The following STARD3NL variants were observed in gnomAD, a reference collection of about 807,000 sequenced individuals.
The protein encoded by STARD3NL is STARD3 N-terminal-like protein.
Under a neutral mutation model 30.9 loss-of-function variants are expected in STARD3NL, and 17 were observed. That is an observed-to-expected ratio of 0.55 (90% confidence interval 0.38 to 0.82). STARD3NL has a LOEUF of 0.82. Among genes scored for constraint, STARD3NL ranks in the 40% least tolerant of loss-of-function variants. STARD3NL has a pLI of 0.00. For synonymous variants in STARD3NL, 112 were observed against 100.5 expected, an observed-to-expected ratio of 1.11 and a Z score of -0.69; for missense variants, 234 against 277.6, an observed-to-expected ratio of 0.84 and a Z score of 1.12.
intron 1 of STARD3NL, among the ~76,000 whole-genome samples, chr7:38,184,306 TC>T (rs1784364330): frequency 6.6e-6 from 1 of 152,060 alleles, no homozygotes; most frequent in Admixed American, 6.6e-5. Flanking sequence ...TGGCGAAACT[TC>T]CTGTGTCAGT....
At chr7:38,189,666 T>C (rs764066267) in intron 1 of STARD3NL, among the ~76,000 whole-genome samples, 14 of 152,232 alleles carry the variant, frequency 9.2e-5, no homozygotes, top group Non-Finnish European at 1.8e-4. Context: ...TTTTCAGTTA[T>C]ATAAGTGACA....
intron 7 of STARD3NL, among the ~76,000 whole-genome samples, chr7:38,220,136 A>G (rs1373847543): frequency 6.6e-6 from 1 of 151,964 alleles, no homozygotes; most frequent in East Asian, 1.9e-4. Context: ...TCTCATTCAA[A>G]TCCTGCCACT....
chr7:38,213,550 C>G (rs1785931109), intron 2 of STARD3NL, among the ~76,000 whole-genome samples: 1 of 152,212 alleles, frequency 6.6e-6, no homozygotes, highest in African/African-American at 2.4e-5. Context: ...CATTGGTCCT[C>G]TTTTAAACCC....
rs1282462603 is a variant in STARD3NL at position 38,229,978 on chromosome 7, T to A, written c.*73T>A. On this transcript the variant is annotated 3_prime_UTR_variant, in exon 9 of 9. Transcript: ENST00000009041. ...GCAAAAAGAGGCAGGCAGTGGAGTC[T>A]CCCTGTCGACAGTAAAGTTGAAATG... 1.3e-5 allele frequency: 2 copies of A among 152,642 alleles called. No individual in the cohort carries two copies. The highest frequency in any genetic ancestry group is 2.9e-5 in the Non-Finnish European group (2 of 68,050). 9.5% of individuals were successfully genotyped at this position (152,642 alleles called of 1,614,324 possible).
chr7:38,225,107 AT>A (rs1157648274), intron 7 of STARD3NL, among the ~76,000 whole-genome samples: 5 of 152,112 alleles, frequency 3.3e-5, no homozygotes, highest in Non-Finnish European at 7.4e-5. Flanking sequence ...TGATACTGAG[AT>A]ATTTTTCATG....
In STARD3NL at chr7:38,223,796, A is replaced by T. The variant is rs1003749406; in HGVS notation, c.649+4136A>T. ...GGATACTGAATTATATTGACTTTTT[A>T]AAAAAGCTTGATTGAGGTGTAATTT... On this transcript the variant is annotated intron_variant, in intron 7 of 8. Coordinates refer to ENST00000009041, the MANE Select transcript of STARD3NL (RefSeq NM_032016.4). 4.6e-5 allele frequency among the ~76,000 whole-genome samples: 7 copies of T among 152,336 alleles called. No individual in the cohort carries two copies. In the East Asian group the frequency reaches 1.2e-3, roughly 25 times the overall value.
chr7:38,206,282 G>A lies in STARD3NL; in HGVS notation c.-58-1165G>A, dbSNP rs112539565. On this transcript the variant is annotated intron_variant, in intron 1 of 8. Coordinates refer to ENST00000009041, the MANE Select transcript of STARD3NL (RefSeq NM_032016.4). ...AGAGTGTGGTGAGCCACATACTGGC[G>A]ATTCATGTACCAGCTCTGGACACAA... is the stretch of plus-strand genomic sequence containing the variant. 6.9e-3 allele frequency among the ~76,000 whole-genome samples: 1,049 copies of A among 152,286 alleles called. 10 individuals carry two copies. Among genetic ancestry groups the A allele is most frequent in the African/African-American group, 0.023 (960 of 41,562 alleles).
In STARD3NL at chr7:38,217,208, T is replaced by A; in HGVS notation, c.456T>A (p.Phe152Leu). 6.2e-7 allele frequency: 1 copy of A among 1,614,110 alleles called. No individual in the cohort carries two copies. The highest frequency in any genetic ancestry group is 8.5e-7 in the Non-Finnish European group (1 of 1,179,956). ...ILSKLFSQGA[F>L]GYVLPIISFI... ...TCCAGCTTTTCTCTCAAGGGGCTTT[T>A]GGCTATGTGCTGCCCATCATTTCAT... is the stretch of plus-strand genomic sequence containing the variant. The change falls in exon 6 of 9, where the codon TTT becomes TTA. Residue 152 changes from phenylalanine (F) to leucine (L), a missense_variant. Phe to Leu is a conservative substitution (Grantham distance 22). Coordinates refer to ENST00000009041, the MANE Select transcript of STARD3NL (RefSeq NM_032016.4).
At chr7:38,225,271 AT>A (rs1466394932) in intron 7 of STARD3NL, among the ~76,000 whole-genome samples, 2 of 152,108 alleles carry the variant, frequency 1.3e-5, no homozygotes, top group African/African-American at 4.8e-5. Context: ...ATTTACAAAT[AT>A]TTTTCCCAGT....
At chr7:38,203,282 C>A (rs1428762230) in intron 1 of STARD3NL, among the ~76,000 whole-genome samples, 2 of 152,204 alleles carry the variant, frequency 1.3e-5, no homozygotes, top group African/African-American at 4.8e-5. Context: ...AACAGCTGAT[C>A]TCTCGGCAGA....
chr7:38,220,090 G>A (rs966187753), intron 7 of STARD3NL, among the ~76,000 whole-genome samples: 4 of 152,112 alleles, frequency 2.6e-5, no homozygotes, highest in African/African-American at 9.7e-5. Flanking sequence ...TCACAAAGCT[G>A]TTTCCATCCT....
rs749701253 is a variant in STARD3NL at position 38,228,812 on chromosome 7, T to C, written c.663T>C (p.Ala221=). The C allele has an allele frequency of 6.2e-7, 1 of 1,612,790 alleles. No homozygotes were observed. Among genetic ancestry groups the C allele is most frequent in the African/African-American group, 1.3e-5 (1 of 75,040 alleles). ...TCCACCACGTAGGATCTGAAGAAGC[T>C]GAAGAAAAACAGGACAGTGAGAAAC... ...PPESEAGSEE[A]EEKQDSEKPL... is the part of the protein sequence containing the mutation. Residue 221 remains alanine, a synonymous_variant, in exon 8 of 9, where the codon GCT becomes GCC. Transcript: ENST00000009041.
At position 38,217,171 on chromosome 7, in the gene STARD3NL, C is replaced by T; in HGVS notation, c.436-17C>T. 1 of 1,613,836 alleles carries T rather than the reference C, an allele frequency of 6.2e-7. No homozygotes were observed. Among genetic ancestry groups the T allele is most frequent in the Non-Finnish European group, 8.5e-7 (1 of 1,179,818 alleles). On this transcript the variant is annotated splice_polypyrimidine_tract_variant and intron_variant, in intron 5 of 8. Coordinates refer to ENST00000009041, the MANE Select transcript of STARD3NL (RefSeq NM_032016.4). Reference sequence around the variant, plus strand: ...TTTGTGGTAACTGCATTTCCCTTTCCTGGTCGTATTTTCCAGCTTTTCTCT... The same window carrying T: ...TTTGTGGTAACTGCATTTCCCTTTCTTGGTCGTATTTTCCAGCTTTTCTCT...
intron 1 of STARD3NL, among the ~76,000 whole-genome samples, chr7:38,183,174 G>A (rs554439432): frequency 2.0e-5 from 3 of 152,254 alleles, no homozygotes; most frequent in African/African-American, 7.2e-5. Flanking sequence ...TTCTAGCCCA[G>A]GGAGGAACAC....
chr7:38,211,410 G>A lies in STARD3NL; in HGVS notation c.226-2947G>A, dbSNP rs372071350. Among the ~76,000 whole-genome samples, 63 of 152,186 alleles carry A rather than the reference G, an allele frequency of 4.1e-4. 2 individuals carry two copies. The South Asian group carries it at 0.012, about 28-fold the overall frequency. ...GGGGAGAGGGTTTGGAGATCACGGC[G>A]CATGGAAGTACTGAGGCAGGAGTGA... is the stretch of plus-strand genomic sequence containing the variant. On this transcript the variant is annotated intron_variant, in intron 2 of 8. Transcript: ENST00000009041.
intron 7 of STARD3NL, 42 bp downstream of exon 7, chr7:38,219,702 A>G: frequency 6.5e-7 from 1 of 1,527,926 alleles, no homozygotes; most frequent in Non-Finnish European, 9.1e-7. Flanking sequence ...TCTCTCATTC[A>G]AAGGCTCTGC....
chr7:38,213,037 G>C (rs1785898140), intron 2 of STARD3NL, among the ~76,000 whole-genome samples: 1 of 152,162 alleles, frequency 6.6e-6, no homozygotes, highest in Admixed American at 6.5e-5. Flanking sequence ...CCAGAGAAAA[G>C]CTATGGGCTA....
At chr7:38,222,962 T>C (rs1313055607) in intron 7 of STARD3NL, among the ~76,000 whole-genome samples, 2 of 152,170 alleles carry the variant, frequency 1.3e-5, no homozygotes, top group African/African-American at 4.8e-5. Flanking sequence ...TAGCTAAAAA[T>C]TGAAGCCTTT....
At chr7:38,222,259 A>C (rs1786513584) in intron 7 of STARD3NL, among the ~76,000 whole-genome samples, 1 of 152,112 alleles carries the variant, frequency 6.6e-6, no homozygotes, top group Non-Finnish European at 1.5e-5. Context: ...ATATCAGTGT[A>C]CTGGAGGAAC....
Sources: allele counts gnomAD v4.1 joint callset (sites outside exome capture counted in the v4.1 genomes callset), GRCh38; gene constraint gnomAD v4.1.1; transcripts MANE v1.5; gene names NCBI Gene and HGNC (gene_info 2026-07-23, HGNC 2026-07-21).